Variants in STK11IP observed in about 807,000 individuals in gnomAD.
STK11IP encodes serine/threonine kinase 11 interacting protein.
Under a neutral mutation model 131.7 loss-of-function variants are expected in STK11IP, and 103 were observed. The observed-to-expected ratio is 0.78, with a 90% confidence interval of 0.67 to 0.92. STK11IP has a LOEUF of 0.92. Ranked by LOEUF, STK11IP falls within the 40% of genes least tolerant of loss-of-function variation. The pLI is 0.00. For synonymous variants in STK11IP, 557 were observed against 575.6 expected (o/e 0.97, Z 0.46); for missense variants, 1,315 against 1,385.7 (o/e 0.95, Z 0.81).
intron 22 of STK11IP, 26 bp downstream of exon 22, chr2:219,614,268 G>A: frequency 6.2e-7 from 1 of 1,611,232 alleles, no homozygotes; most frequent in Non-Finnish European, 8.5e-7. Flanking sequence ...GCAGAGGCTG[G>A]GGTTGCTGCC....
At position 219,615,155 on chromosome 2, in the gene STK11IP, G is replaced by A; in HGVS notation, c.2931G>A (p.Glu977=). The A allele has an allele frequency of 6.2e-7, 1 of 1,606,044 alleles. No homozygotes were observed. Among genetic ancestry groups the A allele is most frequent in the South Asian group, 1.1e-5 (1 of 89,548 alleles). Residue 977 remains glutamate (E), a synonymous_variant, in exon 24 of 25, where the codon GAG becomes GAA. Coordinates refer to ENST00000456909, the MANE Select transcript of STK11IP (RefSeq NM_052902.4). ...CGTCCACCCTGTTCCTGTTAGATGA[G>A]GATGCTGCAGGGTCCCCGGCAGAGC... is the stretch of plus-strand genomic sequence containing the variant. The part of the protein sequence containing the change: ...LTPSTLFLLD[E]DAAGSPAEPS...
At chr2:219,600,059 G>GTTTTTTTTTTTTTTTTTTT (rs57060581) in intron 2 of STK11IP, among the ~76,000 whole-genome samples, 67 of 91,708 alleles carry the variant, frequency 7.3e-4, no homozygotes, top group Non-Finnish European at 1.0e-3. Flanking sequence ...TTTTGTTTTT[G>GTTTTTTTTTTTTTTTTTTT]TTTTTTTTTT....
Position 219,611,603 on chromosome 2 carries a change from G to C in STK11IP, c.2105-1G>C, listed in dbSNP as rs1284422060. The stretch of plus-strand genomic sequence containing the variant: ...GGGGACCGTGTCCATCCTCCCTCCA[G>C]AATCTCCTGCTGTGTGTCCTAACTG... On this transcript the variant is annotated splice_acceptor_variant, in intron 17 of 24. Transcript: ENST00000456909. LOFTEE classifies it high-confidence loss of function. The C allele has an allele frequency of 1.2e-6, 2 of 1,609,856 alleles. No homozygotes were observed. The highest frequency in any genetic ancestry group is 1.7e-6 in the Non-Finnish European group (2 of 1,177,004).
chr2:219,614,263 G>A, intron 22 of STK11IP, 21 bp downstream of exon 22: 1 of 1,611,914 alleles, frequency 6.2e-7, no homozygotes, highest in Non-Finnish European at 8.5e-7. Flanking sequence ...AGGAGGCAGA[G>A]GCTGGGGTTG....
intron 2 of STK11IP, among the ~76,000 whole-genome samples, chr2:219,600,330 G>A (rs1697946364): frequency 6.6e-6 from 1 of 151,788 alleles, no homozygotes; most frequent in African/African-American, 2.4e-5. Context: ...GGTTGGTCCT[G>A]AACTCCTGAC....
Position 219,612,040 on chromosome 2 carries a change from G to T in STK11IP, c.2421G>T (p.Glu807Asp), listed in dbSNP as rs1698415778. The T allele has an allele frequency of 6.2e-7, 1 of 1,603,558 alleles. No individual in the cohort carries two copies. Among genetic ancestry groups the T allele is most frequent in the Admixed American group, 1.7e-5 (1 of 58,864 alleles). Residue 807 changes from glutamate (E) to aspartate (D), a missense_variant, in exon 19 of 25, where the codon GAG (glutamate) becomes GAT (aspartate). By Grantham distance (45) the Glu-to-Asp change is conservative (BLOSUM62 2). Transcript: ENST00000456909. The stretch of plus-strand genomic sequence containing the variant: ...AGGTGTTCAGCGATGCCCAGGAGGA[G>T]TTCCAGTGCTGCCTCAAGGTCTGTG... ...DVEVFSDAQE[E>D]FQCCLKVPVA... is the part of the protein sequence containing the mutation.
intron 15 of STK11IP, 88 bp downstream of exon 15, chr2:219,608,876 A>G (rs993653810): frequency 2.2e-6 from 3 of 1,391,234 alleles, no homozygotes; most frequent in South Asian, 1.4e-5. Context: ...CATTTCTTTC[A>G]GTCTCTCCTT....
Position 219,608,736 on chromosome 2 carries a change from A to G in STK11IP, c.1757A>G (p.Glu586Gly). 1 of 1,612,518 alleles carries G rather than the reference A, an allele frequency of 6.2e-7. No individual in the cohort carries two copies. The highest frequency in any genetic ancestry group is 8.5e-7 in the Non-Finnish European group (1 of 1,179,502). Reference sequence around the variant, plus strand: ...GAGCGACTGGAGCTCCAGAGTCTGGAGGCAGCTGAGATAGAGCCGGAGGCC... The same window carrying G: ...GAGCGACTGGAGCTCCAGAGTCTGGGGGCAGCTGAGATAGAGCCGGAGGCC... ...TLERLELQSL[E>G]AAEIEPEAQA... is the part of the protein sequence containing the mutation. The change falls in exon 15 of 25, where the codon GAG becomes GGG. Residue 586 changes from glutamate to glycine, a missense_variant. Physicochemically the swap from Glu to Gly is moderately conservative, Grantham distance 98. Coordinates refer to ENST00000456909, the MANE Select transcript of STK11IP (RefSeq NM_052902.4).
rs1698509314 is a variant in STK11IP, at chr2:219,614,467, T to A, written c.2799-9T>A. 6.2e-7 allele frequency: 1 copy of A among 1,613,614 alleles called. No homozygotes were observed. On this transcript the variant is annotated splice_polypyrimidine_tract_variant and intron_variant, in intron 22 of 24. Transcript: ENST00000456909. ...GCTGATCTTCCTGTGCCTGCCATATTCCCTCTAGGCCATTGCTGGAAAAAG... is the reference window on the plus strand; with the variant it reads ...GCTGATCTTCCTGTGCCTGCCATATACCCTCTAGGCCATTGCTGGAAAAAG...
rs1490275054 is a variant in STK11IP, at chr2:219,606,021, G to A, written c.811G>A (p.Glu271Lys). Residue 271 changes from glutamate to lysine, a missense_variant, in exon 9 of 25, where the codon GAG (glutamate) becomes AAG (lysine). Coordinates refer to ENST00000456909, the MANE Select transcript of STK11IP (RefSeq NM_052902.4). Reference protein sequence around the residue: ...LAYNLLEGHRELSPLWLLAEL... With the variant: ...LAYNLLEGHRKLSPLWLLAEL... ...ATACAACCTGCTGGAAGGACACCGG[G>A]AGCTGTCACCACTGTGGCTGCTGGC... 1 of 1,608,794 alleles carries A rather than the reference G, an allele frequency of 6.2e-7. No homozygotes were observed. The highest frequency in any genetic ancestry group is 2.2e-5 in the East Asian group (1 of 44,730).
In STK11IP at chr2:219,614,147, C is replaced by T. The variant is rs372230441; in HGVS notation, c.2717-14C>T. On this transcript the variant is annotated splice_polypyrimidine_tract_variant and intron_variant, in intron 21 of 24. Transcript: ENST00000456909. ...GCAGAGCCTTCTAAAGTTCCCTGGC[C>T]TGCCTCTGTCTAGATGTCTTGCAGT... The T allele has an allele frequency of 3.1e-6, 5 of 1,613,244 alleles. No homozygotes were observed. Among genetic ancestry groups the T allele is most frequent in the Non-Finnish European group, 4.2e-6 (5 of 1,179,668 alleles).
intron 5 of STK11IP, 34 bp from the exon 6 acceptor site, chr2:219,602,434 G>T: frequency 6.6e-7 from 1 of 1,524,634 alleles, no homozygotes; most frequent in Non-Finnish European, 9.1e-7. Context: ...GGAAGGGGAG[G>T]GTGGGGTAAT....
Position 219,607,051 on chromosome 2 carries a change from A to G in STK11IP, c.1135-2A>G, listed in dbSNP as rs774286745. 6.2e-7 allele frequency: 1 copy of G among 1,613,886 alleles called. No individual in the cohort carries two copies. Among genetic ancestry groups the G allele is most frequent in the South Asian group, 1.1e-5 (1 of 91,058 alleles). On this transcript the variant is annotated splice_acceptor_variant, in intron 12 of 24. Coordinates refer to ENST00000456909, the MANE Select transcript of STK11IP (RefSeq NM_052902.4). LOFTEE classifies it high-confidence loss of function. ...AGAACTTCTTCCCTCCACCAACCTC[A>G]GAGCCGAGTCCGTGTGAGGCGGGCA...
At chr2:219,603,572 G>A (rs1457051120) in intron 7 of STK11IP, among the ~76,000 whole-genome samples, 1 of 151,422 alleles carries the variant, frequency 6.6e-6, no homozygotes, top group East Asian at 1.9e-4. Flanking sequence ...CCAGGCTAGA[G>A]TGCAGTGGTG....
chr2:219,609,612 G>T (rs557445956), intron 17 of STK11IP, 72 bp downstream of exon 17: 3 of 1,529,470 alleles, frequency 2.0e-6, no homozygotes, highest in South Asian at 1.2e-5. Flanking sequence ...CTGTGTAGGG[G>T]AGTGTGAAGG....
Position 219,598,052 on chromosome 2 carries a change from C to A in STK11IP, c.-26-42C>A, listed in dbSNP as rs781317862. 3.2e-5 allele frequency: 50 copies of A among 1,563,944 alleles called. No individual in the cohort carries two copies. The Middle Eastern group carries it at 5.0e-4, about 16-fold the overall frequency. ...CGGACGCCCTGGGCTTTTGGCACTACCGCCCACCTGAGGCTCTTCCGCTTC... is the reference window on the plus strand; with the variant it reads ...CGGACGCCCTGGGCTTTTGGCACTAACGCCCACCTGAGGCTCTTCCGCTTC... On this transcript the variant is annotated intron_variant, in intron 1 of 24. Transcript: ENST00000456909.
At position 219,616,389 on chromosome 2, in the gene STK11IP, G is replaced by A; in HGVS notation, c.*196G>A. On this transcript the variant is annotated 3_prime_UTR_variant, in exon 25 of 25. Transcript: ENST00000456909. ...CTGGCCTCAGGGGACAGGCCACCTGGTCAGGAGGAATATTTTTCCTGCACT... is the reference window on the plus strand; with the variant it reads ...CTGGCCTCAGGGGACAGGCCACCTGATCAGGAGGAATATTTTTCCTGCACT... 1.6e-6 allele frequency: 1 copy of A among 625,018 alleles called. No homozygotes were observed. The highest frequency in any genetic ancestry group is 2.7e-6 in the Non-Finnish European group (1 of 376,626). 38.7% of individuals were successfully genotyped at this position (625,018 alleles called of 1,614,324 possible). A position where few individuals can be genotyped will look rare whatever the true frequency, so the allele number is the denominator to read the frequency against.
intron 20 of STK11IP, 29 bp from the exon 21 acceptor site, chr2:219,613,723 C>A: frequency 1.2e-6 from 2 of 1,611,924 alleles, no homozygotes; most frequent in Non-Finnish European, 1.7e-6. Flanking sequence ...TCTCATGCTT[C>A]TCCATTGCTC....
Position 219,611,719 on chromosome 2 carries a change from GTC to G in STK11IP, c.2222_2223del (p.Ser741CysfsTer12). 3 of 1,613,056 alleles carry G rather than the reference GTC, an allele frequency of 1.9e-6. No individual in the cohort carries two copies. The highest frequency in any genetic ancestry group is 2.5e-6 in the Non-Finnish European group (3 of 1,179,880). ...QGEQSLAPSP[S>X]ASPVCHPPGH... is the part of the protein sequence containing the mutation. ...GAGAGCAGTCTCTGGCTCCTTCTCCGTCTGCCAGCCCTGTCTGCCACCCTCCT... is the reference window on the plus strand; with the variant it reads ...GAGAGCAGTCTCTGGCTCCTTCTCCGTGCCAGCCCTGTCTGCCACCCTCCT... On this transcript the variant is annotated frameshift_variant, in exon 18 of 25. Transcript: ENST00000456909. LOFTEE classifies it high-confidence loss of function.
Sources: gnomAD v4.1 joint callset for allele counts (sites outside exome capture counted in the v4.1 genomes callset) on GRCh38, gnomAD v4.1.1 for gene constraint, MANE v1.5 for transcripts, NCBI Gene and HGNC (gene_info 2026-07-23, HGNC 2026-07-21) for gene names.